The following PDGFRL variants were observed in gnomAD, a reference collection of about 807,000 sequenced individuals.
The protein encoded by PDGFRL is platelet-derived growth factor receptor-like protein.
In PDGFRL, 46 loss-of-function variants were observed where a neutral mutation model predicts 37.2. The ratio of observed to expected loss-of-function variants is 1.24; its 90% CI spans 0.98 to 1.58. The LOEUF is 1.58. PDGFRL is among the 40% of genes most tolerant of loss of function. The pLI, the probability that PDGFRL is intolerant of heterozygous loss-of-function variation, is 0.00. For synonymous variants in PDGFRL, 251 were observed against 184.3 expected (o/e 1.36, Z -2.93); for missense variants, 692 against 467.6 (o/e 1.48, Z -4.43).
chr8:17,640,913 C>T (rs545774798), intron 5 of PDGFRL, among the ~76,000 whole-genome samples: 2 of 151,828 alleles, frequency 1.3e-5, no homozygotes, highest in South Asian at 4.2e-4. Flanking sequence ...CTAGGCGTGT[C>T]TGAGCTCAGA....
chr8:17,639,448 G>T (rs1805046897), intron 5 of PDGFRL, among the ~76,000 whole-genome samples: 1 of 152,002 alleles, frequency 6.6e-6, no homozygotes, highest in Non-Finnish European at 1.5e-5. Flanking sequence ...GCTCCTTTTA[G>T]CATTTCTTAC....
At chr8:17,633,954 C>G (rs990230539) in intron 4 of PDGFRL, 120 bp from the exon 5 acceptor site, 1 of 989,662 alleles carries the variant, frequency 1.0e-6, no homozygotes, top group African/African-American at 1.6e-5. Context: ...TCGCACTGGT[C>G]AGGGAGCTGT....
At chr8:17,639,751 G>A (rs1035213908) in intron 5 of PDGFRL, among the ~76,000 whole-genome samples, 3 of 152,130 alleles carry the variant, frequency 2.0e-5, no homozygotes, top group African/African-American at 4.8e-5. Context: ...ATGACTCTGT[G>A]CCTAGGTGAC....
intron 1 of PDGFRL, among the ~76,000 whole-genome samples, chr8:17,585,158 A>G (rs891188338): frequency 2.0e-5 from 3 of 152,138 alleles, no homozygotes; most frequent in Admixed American, 2.0e-4. Context: ...ATCAGTGAGG[A>G]TGACTAGAGG....
At chr8:17,599,623 G>A (rs1039367866) in intron 2 of PDGFRL, among the ~76,000 whole-genome samples, 3 of 152,202 alleles carry the variant, frequency 2.0e-5, no homozygotes, top group African/African-American at 7.2e-5. Context: ...CGTGGCCGTG[G>A]CTGCCAGTAG....
At chr8:17,605,942 C>T (rs965743972) in intron 2 of PDGFRL, among the ~76,000 whole-genome samples, 4 of 152,146 alleles carry the variant, frequency 2.6e-5, no homozygotes, top group African/African-American at 9.7e-5. Flanking sequence ...CGGTTGGCAA[C>T]AGCTTACTCC....
At chr8:17,588,865 G>C (rs772258199) in intron 1 of PDGFRL, among the ~76,000 whole-genome samples, 2 of 152,170 alleles carry the variant, frequency 1.3e-5, no homozygotes, top group Non-Finnish European at 2.9e-5. Context: ...GAGACTATGA[G>C]ACGGTGTGAA....
chr8:17,623,519 T>A (rs567078290), intron 3 of PDGFRL, among the ~76,000 whole-genome samples: 1 of 152,322 alleles, frequency 6.6e-6, no homozygotes, highest in East Asian at 1.9e-4. Flanking sequence ...TGTTGTGTCT[T>A]CCCAAAGTAT....
chr8:17,595,345 G>C (rs2517156), intron 2 of PDGFRL, among the ~76,000 whole-genome samples: 129,392 of 152,080 alleles, frequency 0.85, 57,267 homozygotes, highest in Non-Finnish European at 0.97. Flanking sequence ...GGTGCCCAGG[G>C]TCTGGGCAGG....
At chr8:17,592,776 A>G (rs775475781) in intron 2 of PDGFRL, among the ~76,000 whole-genome samples, 1 of 152,054 alleles carries the variant, frequency 6.6e-6, no homozygotes, top group Non-Finnish European at 1.5e-5. Flanking sequence ...CTCTCTTCAC[A>G]CTGAAAACTA....
At chr8:17,578,497 C>T (rs1482125774) in intron 1 of PDGFRL, among the ~76,000 whole-genome samples, 7 of 152,160 alleles carry the variant, frequency 4.6e-5, no homozygotes, top group African/African-American at 1.4e-4. Flanking sequence ...CTTAACTCTG[C>T]CCAGAGAGAA....
chr8:17,625,534 C>A (rs1023167901), intron 3 of PDGFRL, among the ~76,000 whole-genome samples: 15 of 151,828 alleles, frequency 9.9e-5, no homozygotes, highest in African/African-American at 3.6e-4. Flanking sequence ...GATATAAATA[C>A]ATTTGCAGGG....
chr8:17,596,129 C>T (rs1804047496), intron 2 of PDGFRL, among the ~76,000 whole-genome samples: 1 of 152,234 alleles, frequency 6.6e-6, no homozygotes, highest in South Asian at 2.1e-4. Flanking sequence ...GGTACCCTTG[C>T]TGGGGGACCT....
At chr8:17,606,566 G>T (rs1305122312) in intron 2 of PDGFRL, among the ~76,000 whole-genome samples, 1 of 152,200 alleles carries the variant, frequency 6.6e-6, no homozygotes, top group East Asian at 1.9e-4. Flanking sequence ...AGACTCACTG[G>T]CACCAGCTGC....
intron 2 of PDGFRL, among the ~76,000 whole-genome samples, chr8:17,615,973 T>C (rs1381702281): frequency 6.6e-6 from 1 of 152,192 alleles, no homozygotes; most frequent in Non-Finnish European, 1.5e-5. Flanking sequence ...AGTCCTGAAC[T>C]TGTTTACGGA....
At position 17,642,643 on chromosome 8, in the gene PDGFRL, T is replaced by G. The variant is rs779587225; in HGVS notation, c.970T>G (p.Trp324Gly). ...DERPVTIQDT[W>G]RLIHRGLGHT... ...AAGGCCTGTGACGATCCAAGACACT[T>G]GGAGGTTGATCCACAGAGGACTGGG... The change falls in exon 6 of 6, where the codon TGG becomes GGG. Residue 324 changes from tryptophan (W) to glycine (G), a missense_variant. Transcript: ENST00000251630. The G allele has an allele frequency of 8.7e-6, 14 of 1,611,074 alleles. 1 individual carries two copies. The South Asian group carries it at 1.2e-4, about 14-fold the overall frequency.
intron 1 of PDGFRL, among the ~76,000 whole-genome samples, chr8:17,581,537 T>C (rs766997831): frequency 5.3e-5 from 8 of 152,080 alleles, no homozygotes; most frequent in Non-Finnish European, 1.2e-4. Flanking sequence ...TGGTGGGAGG[T>C]AGGGCCTCAT....
At chr8:17,605,000 G>A (rs2588128) in intron 2 of PDGFRL, among the ~76,000 whole-genome samples, 7 of 151,990 alleles carry the variant, frequency 4.6e-5, no homozygotes, top group African/African-American at 1.4e-4. Flanking sequence ...GCCTATAGTC[G>A]TAGCTACCTG....
intron 5 of PDGFRL, among the ~76,000 whole-genome samples, chr8:17,638,669 T>G (rs1805023449): frequency 6.8e-6 from 1 of 147,044 alleles, no homozygotes; most frequent in Non-Finnish European, 1.5e-5. Context: ...ATTACTGTGT[T>G]GCAGTCTATC....
Sources: gnomAD v4.1 joint callset for allele counts (sites outside exome capture counted in the v4.1 genomes callset) on GRCh38, gnomAD v4.1.1 for gene constraint, MANE v1.5 for transcripts, NCBI Gene and HGNC (gene_info 2026-07-23, HGNC 2026-07-21) for gene names.